The following FNDC3B variants were observed in gnomAD, a reference collection of about 807,000 sequenced individuals.
FNDC3B encodes fibronectin type III domain-containing protein 3B.
In FNDC3B, 12 loss-of-function variants were observed where a neutral mutation model predicts 151.5. The observed-to-expected ratio is 0.08, with a 90% CI of 0.05 to 0.13. FNDC3B has a LOEUF of 0.13. FNDC3B is among the 10% of genes least tolerant of loss of function. FNDC3B has a pLI of 1.00. For missense variants in FNDC3B, 1,214 were observed against 1,505.3 expected (o/e 0.81, Z 3.20); for synonymous variants, 528 against 549.0 (o/e 0.96, Z 0.54).
chr3:172,157,029 T>C (rs900875700), intron 3 of FNDC3B, among the ~76,000 whole-genome samples: 5 of 152,184 alleles, frequency 3.3e-5, no homozygotes, highest in Non-Finnish European at 5.9e-5. Flanking sequence ...TGTAAGGGGA[T>C]TGTGTAACTT....
intron 21 of FNDC3B, among the ~76,000 whole-genome samples, chr3:172,349,063 G>A (rs867074222): frequency 5.9e-5 from 9 of 152,148 alleles, no homozygotes; most frequent in East Asian, 1.9e-4. Flanking sequence ...GGCTGAGGCC[G>A]GCTGATCTCT....
chr3:172,210,446 T>A (rs1218332491), intron 3 of FNDC3B, among the ~76,000 whole-genome samples: 1 of 152,154 alleles, frequency 6.6e-6, no homozygotes, highest in Non-Finnish European at 1.5e-5. Flanking sequence ...ATCCTTCCGA[T>A]CCTTCCACTT....
chr3:172,358,388 A>G (rs1243215924), intron 22 of FNDC3B, among the ~76,000 whole-genome samples: 1 of 152,254 alleles, frequency 6.6e-6, no homozygotes, highest in Non-Finnish European at 1.5e-5. Flanking sequence ...GGAACAGAGC[A>G]AGTTCTCAAT....
intron 1 of FNDC3B, among the ~76,000 whole-genome samples, chr3:172,068,794 G>A (rs934630847): frequency 6.6e-6 from 1 of 152,200 alleles, no homozygotes; most frequent in Non-Finnish European, 1.5e-5. Context: ...CCCAGACTGA[G>A]TGCTTGCTAT....
At chr3:172,379,915 T>C (rs531383909) in intron 24 of FNDC3B, among the ~76,000 whole-genome samples, 2 of 152,352 alleles carry the variant, frequency 1.3e-5, no homozygotes, top group African/African-American at 4.8e-5. Context: ...TTTCCCACTC[T>C]GATGCATGAT....
chr3:172,301,145 C>A (rs1730894341), intron 9 of FNDC3B, among the ~76,000 whole-genome samples: 1 of 152,170 alleles, frequency 6.6e-6, no homozygotes, highest in Non-Finnish European at 1.5e-5. Context: ...ATAATGATAC[C>A]AGCCTCAGGA....
chr3:172,102,253 C>T (rs1427091348), intron 1 of FNDC3B, among the ~76,000 whole-genome samples: 1 of 152,170 alleles, frequency 6.6e-6, no homozygotes, highest in Non-Finnish European at 1.5e-5. Flanking sequence ...CCAGCTACTT[C>T]ATAGGATGTT....
chr3:172,290,475 G>A (rs753731026), intron 7 of FNDC3B, among the ~76,000 whole-genome samples: 6 of 152,124 alleles, frequency 3.9e-5, no homozygotes, highest in African/African-American at 7.2e-5. Flanking sequence ...CAGCCATCTC[G>A]AGCCTAATGT....
intron 6 of FNDC3B, among the ~76,000 whole-genome samples, chr3:172,275,049 GATT>G (rs1729367556): frequency 6.6e-6 from 1 of 152,016 alleles, no homozygotes; most frequent in Non-Finnish European, 1.5e-5. Flanking sequence ...TTCTCACCCA[GATT>G]AGTCCATGAC....
chr3:172,196,279 C>T (rs553312372), intron 3 of FNDC3B, among the ~76,000 whole-genome samples: 1 of 152,236 alleles, frequency 6.6e-6, no homozygotes, highest in African/African-American at 2.4e-5. Context: ...CCTCGAACTT[C>T]CAGGTTCAAG....
At chr3:172,107,955 G>A (rs1719742244) in intron 1 of FNDC3B, among the ~76,000 whole-genome samples, 1 of 152,120 alleles carries the variant, frequency 6.6e-6, no homozygotes, top group South Asian at 2.1e-4. Context: ...GGATCACAAG[G>A]TCAGGAGTTC....
intron 23 of FNDC3B, among the ~76,000 whole-genome samples, chr3:172,364,251 T>C (rs996103726): frequency 6.6e-6 from 1 of 152,184 alleles, no homozygotes; most frequent in African/African-American, 2.4e-5. Context: ...ACAGCAATTG[T>C]GAACTAACAG....
intron 23 of FNDC3B, among the ~76,000 whole-genome samples, chr3:172,367,299 A>T (rs1054045601): frequency 6.6e-6 from 1 of 151,796 alleles, no homozygotes; most frequent in African/African-American, 2.4e-5. Flanking sequence ...TTGAATTACT[A>T]CTATGTGCTG....
At chr3:172,186,842 C>A in intron 3 of FNDC3B, 1 of 658,824 alleles carries the variant, frequency 1.5e-6, no homozygotes. Flanking sequence ...CGCGGTGTGG[C>A]TTTTCAATGT....
At chr3:172,221,688 T>A (rs531311945) in intron 3 of FNDC3B, among the ~76,000 whole-genome samples, 24 of 145,950 alleles carry the variant, frequency 1.6e-4, no homozygotes, top group Middle Eastern at 3.4e-3. Context: ...TTGAATAATT[T>A]AAAAAAAAAA....
chr3:172,107,260 G>T (rs548645953), intron 1 of FNDC3B, among the ~76,000 whole-genome samples: 42 of 152,326 alleles, frequency 2.8e-4, no homozygotes, highest in African/African-American at 1.0e-3. Context: ...TGAAATGGAA[G>T]TATGGGTACA....
intron 10 of FNDC3B, 143 bp downstream of exon 10, chr3:172,307,644 T>C (rs2108245162): frequency 1.4e-6 from 1 of 726,408 alleles, no homozygotes; most frequent in East Asian, 2.7e-5. Flanking sequence ...CAGTGAGCCA[T>C]GATCACGCCA....
intron 3 of FNDC3B, among the ~76,000 whole-genome samples, chr3:172,181,231 C>T (rs1332121769): frequency 1.3e-5 from 2 of 151,404 alleles, no homozygotes; most frequent in Admixed American, 6.6e-5. Flanking sequence ...GAAACCCTGT[C>T]TCTACCAAAA....
chr3:172,315,390 A>G (rs894585943), intron 11 of FNDC3B, among the ~76,000 whole-genome samples: 4 of 152,316 alleles, frequency 2.6e-5, no homozygotes, highest in Non-Finnish European at 4.4e-5. Context: ...AAGAAAAAAA[A>G]GGAATTTACA....
Sources: gnomAD v4.1 joint callset for allele counts (sites outside exome capture counted in the v4.1 genomes callset) on GRCh38, gnomAD v4.1.1 for gene constraint, MANE v1.5 for transcripts, NCBI Gene and HGNC (gene_info 2026-07-23, HGNC 2026-07-21) for gene names.